Variants in PLCXD3 observed in about 807,000 individuals in gnomAD.
The protein encoded by PLCXD3 is phosphatidylinositol specific phospholipase C X domain containing 3, also known as PI-PLC X domain-containing protein 3.
In PLCXD3, 19 loss-of-function variants were observed where a neutral mutation model predicts 25.5. The observed-to-expected ratio is 0.75, with a 90% CI of 0.52 to 1.09. The LOEUF is 1.09. Among genes scored for constraint, PLCXD3 ranks in the 50% least tolerant of loss-of-function variants. The pLI is 0.00. For synonymous variants in PLCXD3, 174 were observed against 137.6 expected (o/e 1.26, Z -1.85); for missense variants, 411 against 388.1 (o/e 1.06, Z -0.50).
intron 1 of PLCXD3, among the ~76,000 whole-genome samples, chr5:41,494,572 G>A (rs1281456977): frequency 1.3e-5 from 2 of 152,210 alleles, no homozygotes; most frequent in Non-Finnish European, 2.9e-5. Flanking sequence ...GGGAAAGCTT[G>A]AGGAGGAGCA....
chr5:41,337,145 C>T (rs1744005834), intron 2 of PLCXD3, among the ~76,000 whole-genome samples: 2 of 152,100 alleles, frequency 1.3e-5, no homozygotes, highest in South Asian at 4.1e-4. Flanking sequence ...AAAGAAATTG[C>T]ATTTATGCTT....
At chr5:41,448,095 G>A (rs1747546952) in intron 1 of PLCXD3, among the ~76,000 whole-genome samples, 1 of 152,166 alleles carries the variant, frequency 6.6e-6, no homozygotes, top group Non-Finnish European at 1.5e-5. Context: ...ACCATAAAGA[G>A]TTAAGACATA....
intron 1 of PLCXD3, among the ~76,000 whole-genome samples, chr5:41,461,668 G>A (rs1747876995): frequency 6.6e-6 from 1 of 151,960 alleles, no homozygotes; most frequent in African/African-American, 2.4e-5. Flanking sequence ...TCAAGAGAGA[G>A]AAAGGGGTGG....
intron 1 of PLCXD3, among the ~76,000 whole-genome samples, chr5:41,455,777 T>C (rs1456779012): frequency 1.3e-5 from 2 of 151,944 alleles, no homozygotes; most frequent in Admixed American, 6.6e-5. Context: ...TTTTAGTGTA[T>C]TCTGAAAAGG....
At chr5:41,377,257 C>T (rs1745323566) in intron 2 of PLCXD3, among the ~76,000 whole-genome samples, 1 of 151,894 alleles carries the variant, frequency 6.6e-6, no homozygotes, top group South Asian at 2.1e-4. Context: ...TGAACCTAAT[C>T]ATGAATATAA....
At chr5:41,476,543 C>CT in intron 1 of PLCXD3, among the ~76,000 whole-genome samples, 2 of 152,102 alleles carry the variant, frequency 1.3e-5, no homozygotes, top group Non-Finnish European at 2.9e-5. Flanking sequence ...CATGTTGTCT[C>CT]CATTTGTTGC....
chr5:41,311,489 C>A lies in PLCXD3; in HGVS notation c.*2128G>T, dbSNP rs1332768654. On this transcript the variant is annotated 3_prime_UTR_variant, in exon 3 of 3. Transcript: ENST00000377801. Reference sequence around the variant, plus strand: ...TTAAAATTAAATTATTTAATATTATCAATGTCTTCATTTGAAAAGAAGAAT... The same window carrying A: ...TTAAAATTAAATTATTTAATATTATAAATGTCTTCATTTGAAAAGAAGAAT... 6.6e-6 allele frequency: 1 copy of A among 152,014 alleles called. No homozygotes were observed. The highest frequency in any genetic ancestry group is 2.4e-5 in the African/African-American group (1 of 41,380). The allele number at this position is 152,014 out of a possible 1,614,324, so 9.4% of individuals were successfully genotyped here.
At chr5:41,465,680 A>G (rs1748002858) in intron 1 of PLCXD3, among the ~76,000 whole-genome samples, 1 of 151,964 alleles carries the variant, frequency 6.6e-6, no homozygotes, top group African/African-American at 2.4e-5. Flanking sequence ...ATATTCTAAG[A>G]TGATGCTCTA....
At chr5:41,395,594 C>G (rs1249890278) in intron 1 of PLCXD3, among the ~76,000 whole-genome samples, 1 of 151,830 alleles carries the variant, frequency 6.6e-6, no homozygotes, top group Non-Finnish European at 1.5e-5. Context: ...GAGAGACTAT[C>G]TAAATAAAAT....
chr5:41,401,855 A>G (rs1281101352), intron 1 of PLCXD3, among the ~76,000 whole-genome samples: 1 of 151,886 alleles, frequency 6.6e-6, no homozygotes, highest in Non-Finnish European at 1.5e-5. Context: ...AAATCTGTAC[A>G]TTTACTTTCT....
intron 1 of PLCXD3, among the ~76,000 whole-genome samples, chr5:41,388,397 T>C (rs1745706141): frequency 1.3e-5 from 2 of 152,132 alleles, no homozygotes; most frequent in South Asian, 4.1e-4. Flanking sequence ...ATTAATAACA[T>C]TGTACTGCCA....
chr5:41,402,908 T>C (rs1176432477), intron 1 of PLCXD3, among the ~76,000 whole-genome samples: 11 of 152,126 alleles, frequency 7.2e-5, no homozygotes, highest in Non-Finnish European at 1.5e-5. Flanking sequence ...AAAATGAGTT[T>C]CTTGTAGAAA....
chr5:41,396,494 G>GT (rs1340668555), intron 1 of PLCXD3, among the ~76,000 whole-genome samples: 2 of 152,170 alleles, frequency 1.3e-5, no homozygotes, highest in Non-Finnish European at 2.9e-5. Flanking sequence ...GTCTCAGGTA[G>GT]TTTTTTATAG....
chr5:41,327,786 T>C (rs1271787624), intron 2 of PLCXD3, among the ~76,000 whole-genome samples: 6 of 152,156 alleles, frequency 3.9e-5, no homozygotes, highest in Admixed American at 3.9e-4. Flanking sequence ...CATTCTTTAA[T>C]CTTTCTTTTC....
intron 2 of PLCXD3, among the ~76,000 whole-genome samples, chr5:41,377,398 C>T (rs1745329457): frequency 6.6e-6 from 1 of 151,978 alleles, no homozygotes; most frequent in South Asian, 2.1e-4. Context: ...CATCACTTTA[C>T]TTGCAAAGAT....
intron 1 of PLCXD3, among the ~76,000 whole-genome samples, chr5:41,443,715 G>A (rs1747434931): frequency 6.6e-6 from 1 of 152,086 alleles, no homozygotes; most frequent in Non-Finnish European, 1.5e-5. Context: ...TTTCCTTTAA[G>A]GAAACTTGGG....
chr5:41,468,072 C>A (rs1388792136), intron 1 of PLCXD3, among the ~76,000 whole-genome samples: 4 of 113,864 alleles, frequency 3.5e-5, no homozygotes, highest in Non-Finnish European at 4.9e-5. Flanking sequence ...GGCTGGAGTG[C>A]AATTGCATGA....
chr5:41,476,642 CT>C (rs931647291), intron 1 of PLCXD3, among the ~76,000 whole-genome samples: 22 of 152,284 alleles, frequency 1.4e-4, no homozygotes, highest in African/African-American at 4.1e-4. Flanking sequence ...TGTTCATGTG[CT>C]TTTTTCCCCC....
rs80055030 is a variant in PLCXD3, at chr5:41,355,392, C to A, written c.812+26434G>T. Among the ~76,000 whole-genome samples the A allele has an allele frequency of 7.4e-3, 1,132 of 152,320 alleles. 20 individuals carry two copies. Among genetic ancestry groups the A allele is most frequent in the African/African-American group, 0.026 (1,087 of 41,572 alleles). Reference sequence around the variant, plus strand: ...AGAGATAATGCATTCCAGAACACTGCAGCTTGCATAATTATCTTTCTAGGC... The same window carrying A: ...AGAGATAATGCATTCCAGAACACTGAAGCTTGCATAATTATCTTTCTAGGC... On this transcript the variant is annotated intron_variant, in intron 2 of 2. Coordinates refer to ENST00000377801, the MANE Select transcript of PLCXD3 (RefSeq NM_001005473.3).
Sources: gnomAD v4.1 joint callset for allele counts (sites outside exome capture counted in the v4.1 genomes callset) on GRCh38, gnomAD v4.1.1 for gene constraint, MANE v1.5 for transcripts, NCBI Gene and HGNC (gene_info 2026-07-23, HGNC 2026-07-21) for gene names.